Variants in ANK2 observed in about 807,000 individuals in gnomAD.
ANK2 encodes ankyrin 2, also known as ankyrin-2.
ANK2 carries 83 observed loss-of-function variants against 360.5 expected under a neutral mutation model. The observed-to-expected ratio is 0.23, with a 90% CI of 0.19 to 0.28. The LOEUF (loss-of-function observed/expected upper bound fraction) is 0.28, where lower values mean the gene tolerates loss of function less well. ANK2 is among the 10% of genes least tolerant of loss of function. The pLI, the probability that ANK2 is intolerant of heterozygous loss-of-function variation, is 1.00. For missense variants in ANK2, 4,201 were observed against 4,795.7 expected (o/e 0.88, Z 3.66); for synonymous variants, 1,740 against 1,759.5 (o/e 0.99, Z 0.28).
At position 113,313,978 on chromosome 4, in the gene ANK2, C is replaced by T. The variant is rs2081467323; in HGVS notation, c.2693+2579C>T. On this transcript the variant is annotated intron_variant, in intron 24 of 45. Coordinates refer to ENST00000357077, the MANE Select transcript of ANK2 (RefSeq NM_001148.6). ...TGCTTTGTTTCAACAATCACTGCTG[C>T]ACCTGTGGTTGATAACACATTAGCA... Among the ~76,000 whole-genome samples the T allele has an allele frequency of 2.6e-5, 4 of 152,282 alleles. No homozygotes were observed. The South Asian group carries it at 8.3e-4, about 32-fold the overall frequency.
chr4:112,750,264 T>C, the ANK2 span, among the ~76,000 whole-genome samples: 1 of 151,990 alleles, frequency 6.6e-6, no homozygotes, highest in Non-Finnish European at 1.5e-5. Context: ...AAACCCCATA[T>C]TCACGAGAAT....
At chr4:113,349,044 A>C (rs2095203950) in intron 36 of ANK2, among the ~76,000 whole-genome samples, 1 of 152,106 alleles carries the variant, frequency 6.6e-6, no homozygotes, top group Non-Finnish European at 1.5e-5. Flanking sequence ...ATAAAGTGGG[A>C]TCTTTACTAA....
intron 1 of ANK2, among the ~76,000 whole-genome samples, chr4:113,097,063 G>T (rs996817833): frequency 6.7e-6 from 1 of 150,238 alleles, no homozygotes; most frequent in Non-Finnish European, 1.5e-5. Flanking sequence ...TTTGGGCTAG[G>T]ATGTCTGTCA....
chr4:113,078,425 A>G (rs990602404), intron 1 of ANK2, among the ~76,000 whole-genome samples: 3 of 152,326 alleles, frequency 2.0e-5, no homozygotes, highest in African/African-American at 7.2e-5. Flanking sequence ...TTGCTCGTCA[A>G]TAGTAGCCGT....
chr4:113,294,853 G>A (rs918704339), intron 22 of ANK2, among the ~76,000 whole-genome samples: 3 of 152,086 alleles, frequency 2.0e-5, no homozygotes, highest in Non-Finnish European at 2.9e-5. Context: ...TATATTTAAT[G>A]GCTTTTTCTT....
rs201243324 is a variant in ANK2 at position 113,376,802 on chromosome 4, G to T, written c.11859+3353G>T. ...TTATTATTTGTTTTTACTTTTTAAG[G>T]TTTTTTTTTTTTTTTTTTTGGCTAA... On this transcript the variant is annotated intron_variant, in intron 45 of 45. Coordinates refer to ENST00000357077, the MANE Select transcript of ANK2 (RefSeq NM_001148.6). Among the ~76,000 whole-genome samples, 72 of 114,138 alleles carry T rather than the reference G, an allele frequency of 6.3e-4. 1 individual carries two copies. Among genetic ancestry groups the T allele is most frequent in the Middle Eastern group, 6.8e-3 (1 of 146 alleles). The allele number at this position is 114,138 out of a possible 152,430, so 74.9% of individuals were successfully genotyped here.
the ANK2 span, among the ~76,000 whole-genome samples, chr4:112,728,292 C>CAAAAAAAAAAAAAA: frequency 5.0e-4 from 20 of 40,134 alleles, no homozygotes; most frequent in Admixed American, 5.6e-4. Flanking sequence ...GACTCTGTCT[C>CAAAAAAAAAAAAAA]AAAAAAAAAA....
At chr4:113,242,358 T>A (rs2040431008) in intron 9 of ANK2, 149 bp downstream of exon 9, 2 of 776,878 alleles carry the variant, frequency 2.6e-6, no homozygotes, top group Non-Finnish European at 4.4e-6. Context: ...ATACAACATT[T>A]AAAGGGTTCA....
the ANK2 span, among the ~76,000 whole-genome samples, chr4:112,791,252 TA>T: frequency 6.6e-6 from 1 of 152,156 alleles, no homozygotes; most frequent in Non-Finnish European, 1.5e-5. Flanking sequence ...CTGTCTGGAA[TA>T]TTGTAGAGGA....
At chr4:113,372,557 C>G (rs759933141) in intron 43 of ANK2, 23 of 1,535,644 alleles carry the variant, frequency 1.5e-5, no homozygotes, top group African/African-American at 4.1e-5. Context: ...ATTAGGGGAG[C>G]TGGAGGCCAG....
At chr4:112,930,405 C>T (rs530507279) in intron 2 of ANK2, among the ~76,000 whole-genome samples, 13 of 150,728 alleles carry the variant, frequency 8.6e-5, no homozygotes, top group South Asian at 4.2e-4. Flanking sequence ...GCTGAGATCA[C>T]GCCACTGCAC....
chr4:112,793,842 A>C, the ANK2 span, among the ~76,000 whole-genome samples: 1 of 151,918 alleles, frequency 6.6e-6, no homozygotes, highest in Admixed American at 6.6e-5. Flanking sequence ...AGTAGCTGGG[A>C]CAACAGGCAC....
the ANK2 span, among the ~76,000 whole-genome samples, chr4:112,794,793 A>C: frequency 2.0e-3 from 302 of 152,288 alleles, 2 homozygotes; most frequent in African/African-American, 6.7e-3. Flanking sequence ...TTGCCTGCCA[A>C]CATAAAAGTT....
intron 7 of ANK2, among the ~76,000 whole-genome samples, chr4:113,238,448 A>G (rs1006963562): frequency 6.6e-6 from 1 of 152,130 alleles, no homozygotes; most frequent in South Asian, 2.1e-4. Flanking sequence ...CTCACAGGGT[A>G]TACTTGAATT....
At chr4:113,227,971 G>A (rs2099245451) in intron 4 of ANK2, among the ~76,000 whole-genome samples, 1 of 152,168 alleles carries the variant, frequency 6.6e-6, no homozygotes, top group Admixed American at 6.5e-5. Context: ...ATTTTTTACA[G>A]TGGATATAAC....
At chr4:113,148,568 A>G (rs1273146346) in intron 1 of ANK2, among the ~76,000 whole-genome samples, 1 of 152,190 alleles carries the variant, frequency 6.6e-6, no homozygotes, top group Non-Finnish European at 1.5e-5. Context: ...TTAGACCATG[A>G]GCATGAATTC....
rs60272903 is a variant in ANK2 at position 112,829,491 on chromosome 4, C to CAAAAAAAAAAAAAAAA, written c.-40+11231_-40+11246dup. 3.5e-4 allele frequency among the ~76,000 whole-genome samples: 21 copies of CAAAAAAAAAAAAAAAA among 60,730 alleles called. 2 individuals are homozygous for CAAAAAAAAAAAAAAAA. Among genetic ancestry groups the CAAAAAAAAAAAAAAAA allele is most frequent in the Non-Finnish European group, 5.2e-4 (17 of 32,384 alleles). 39.8% of individuals were successfully genotyped at this position (60,730 alleles called of 152,430 possible). A position where few individuals can be genotyped will look rare whatever the true frequency, so the allele number is the denominator to read the frequency against. On this transcript the variant is annotated intron_variant, in intron 1 of 30. Transcript: ENST00000503271. ...GCAACATAGTATGAGCCCATCTCTA[C>CAAAAAAAAAAAAAAAA]AAAAAAAAAAAAAAAAAAAGGAAGG...
intron 2 of ANK2, among the ~76,000 whole-genome samples, chr4:113,192,429 T>G (rs1028719583): frequency 6.6e-6 from 1 of 152,168 alleles, no homozygotes; most frequent in Non-Finnish European, 1.5e-5. Flanking sequence ...GTGCACTCTG[T>G]CTTTCTTTAT....
chr4:113,083,790 G>T (rs777056346), intron 1 of ANK2, among the ~76,000 whole-genome samples: 1 of 152,028 alleles, frequency 6.6e-6, no homozygotes, highest in African/African-American at 2.4e-5. Flanking sequence ...TTATATATCT[G>T]GTATTTTGAA....
Sources: gnomAD v4.1 joint callset for allele counts (sites outside exome capture counted in the v4.1 genomes callset) on GRCh38, gnomAD v4.1.1 for gene constraint, MANE v1.5 for transcripts, NCBI Gene and HGNC (gene_info 2026-07-23, HGNC 2026-07-21) for gene names.